MYO10: variants seen among roughly 807,000 people sequenced by gnomAD.
MYO10 encodes the protein unconventional myosin-X.
MYO10 carries 133 observed loss-of-function variants against 257.3 expected under a neutral mutation model. The ratio of observed to expected loss-of-function variants is 0.52; its 90% CI spans 0.45 to 0.60. MYO10 has a LOEUF of 0.60. MYO10 is among the 20% of genes least tolerant of loss of function. MYO10 has a pLI of 0.00. For missense variants in MYO10, 2,399 were observed against 2,635.7 expected (o/e 0.91, Z 1.97); for synonymous variants, 1,104 against 1,028.6 (o/e 1.07, Z -1.40).
rs1579812698 is a variant in MYO10 at position 16,681,435 on chromosome 5, C to T, written c.4258G>A (p.Val1420Ile). The stretch of plus-strand genomic sequence containing the variant: ...TAATCCAGGGAATTGTGGGTGAGTA[C>T]AAACCACCGTTTCTTCAGTTTCAGT... ...SSLKLKKRWFVLTHNSLDYYK... is the reference protein window; with the variant it reads ...SSLKLKKRWFILTHNSLDYYK... The change falls in exon 32 of 41, where the codon GTA (valine) becomes ATA (isoleucine). Residue 1420 changes from valine to isoleucine, a missense_variant. By Grantham distance (29) the Val-to-Ile change is conservative (BLOSUM62 3). This residue lies in a region of MYO10 where 1,820 missense variants were observed against 1,939.4 expected (regional missense o/e 0.94). Coordinates refer to ENST00000513610, the MANE Select transcript of MYO10 (RefSeq NM_012334.3). The T allele has an allele frequency of 2.5e-6, 4 of 1,613,952 alleles. No individual in the cohort carries two copies. Among genetic ancestry groups the T allele is most frequent in the Non-Finnish European group, 3.4e-6 (4 of 1,179,874 alleles).
intron 29 of MYO10, 82 bp downstream of exon 29, chr5:16,685,656 C>A (rs1737217838): frequency 1.9e-6 from 2 of 1,075,402 alleles, no homozygotes; most frequent in Non-Finnish European, 2.7e-6. Context: ...AATTCCCAAT[C>A]TTTCCCTTTT....
chr5:16,710,382 G>A (rs529979840), intron 21 of MYO10, among the ~76,000 whole-genome samples: 52 of 152,268 alleles, frequency 3.4e-4, no homozygotes, highest in African/African-American at 1.2e-3. Flanking sequence ...TGGAAAAGGG[G>A]GTTAAGGAGC....
At position 16,738,807 on chromosome 5, in the gene MYO10, C is replaced by A. The variant is rs570352196; in HGVS notation, c.1929+16021G>T. ...TCAGGAGGCTGAGGCAGGAGAATTG[C>A]ATGAACCTAGGAGGCAGAGATTGCA... is the stretch of plus-strand genomic sequence containing the variant. On this transcript the variant is annotated intron_variant, in intron 19 of 40. Transcript: ENST00000513610. Among the ~76,000 whole-genome samples the A allele has an allele frequency of 1.7e-3, 248 of 148,658 alleles. 2 individuals are homozygous for A. Among genetic ancestry groups the A allele is most frequent in the African/African-American group, 5.8e-3 (232 of 40,300 alleles).
At chr5:16,739,994 A>G (rs567944334) in intron 19 of MYO10, among the ~76,000 whole-genome samples, 1 of 152,078 alleles carries the variant, frequency 6.6e-6, no homozygotes, top group African/African-American at 2.4e-5. Context: ...CTTGCCGGAG[A>G]AAAAAACAAG....
intron 4 of MYO10, among the ~76,000 whole-genome samples, chr5:16,789,324 C>T (rs1323390619): frequency 6.6e-6 from 1 of 152,224 alleles, no homozygotes; most frequent in Non-Finnish European, 1.5e-5. Flanking sequence ...TATAACACTA[C>T]TTAGAAATCA....
chr5:16,706,162 AAC>A (rs1271419231), intron 21 of MYO10, among the ~76,000 whole-genome samples: 10 of 152,150 alleles, frequency 6.6e-5, no homozygotes. Context: ...CAGCCTGGGC[AAC>A]AGAGTGAGAT....
At chr5:16,792,130 CACAGAGAGAGAG>C (rs879501293) in intron 4 of MYO10, among the ~76,000 whole-genome samples, 58 of 80,668 alleles carry the variant, frequency 7.2e-4, no homozygotes, top group South Asian at 1.2e-3. Flanking sequence ...CACACACACA[CACAGAGAGAGAG>C]AGAGAGAGAG....
At chr5:16,677,416 CTTTT>C (rs796474728) in intron 33 of MYO10, among the ~76,000 whole-genome samples, 1 of 119,374 alleles carries the variant, frequency 8.4e-6, no homozygotes. Context: ...GTAACTTGAC[CTTTT>C]TTTTTTTTTT....
chr5:16,693,260 C>T (rs1737585793), intron 27 of MYO10, among the ~76,000 whole-genome samples: 2 of 152,150 alleles, frequency 1.3e-5, no homozygotes, highest in African/African-American at 4.8e-5. Context: ...GGGAGTGAGA[C>T]CCTGTCAGTC....
At chr5:16,835,769 C>CA (rs769989718) in intron 2 of MYO10, among the ~76,000 whole-genome samples, 1 of 145,700 alleles carries the variant, frequency 6.9e-6, no homozygotes. Context: ...AGAAAGACCC[C>CA]AAAAAAAAGT....
At chr5:16,713,306 T>C (rs1425875835) in intron 19 of MYO10, 2 of 985,714 alleles carry the variant, frequency 2.0e-6, no homozygotes, top group Non-Finnish European at 2.4e-6. Flanking sequence ...GGCCTCCCCA[T>C]CCAAAAAGTT....
At chr5:16,705,809 T>A (rs113756348) in intron 21 of MYO10, among the ~76,000 whole-genome samples, 1,811 of 152,270 alleles carry the variant, frequency 0.012, 37 homozygotes, top group African/African-American at 0.041. Flanking sequence ...TAAAACTCCA[T>A]CACAAATCAT....
intron 1 of MYO10, among the ~76,000 whole-genome samples, chr5:16,886,535 T>C (rs188467378): frequency 1.3e-5 from 2 of 152,340 alleles, no homozygotes; most frequent in East Asian, 3.9e-4. Flanking sequence ...TGAAATGCTC[T>C]ACATTTTTTG....
At chr5:16,891,315 AGAG>A (rs1561042339) in intron 1 of MYO10, among the ~76,000 whole-genome samples, 44 of 137,944 alleles carry the variant, frequency 3.2e-4, no homozygotes, top group Admixed American at 1.3e-3. Flanking sequence ...GAAAAGGAGA[AGAG>A]AAAAGGAAGG....
intron 1 of MYO10, among the ~76,000 whole-genome samples, chr5:16,911,769 G>C: frequency 6.6e-6 from 1 of 151,994 alleles, no homozygotes; most frequent in South Asian, 2.1e-4. Context: ...CAGCCGCGGT[G>C]GCTCATGCCT....
chr5:16,734,889 G>A (rs1271374977), intron 19 of MYO10, among the ~76,000 whole-genome samples: 2 of 151,994 alleles, frequency 1.3e-5, no homozygotes, highest in Admixed American at 6.6e-5. Flanking sequence ...GGCCATCAGT[G>A]GTGTCTCCGT....
At chr5:16,878,595 G>C (rs541864712) in intron 1 of MYO10, among the ~76,000 whole-genome samples, 1 of 152,270 alleles carries the variant, frequency 6.6e-6, no homozygotes, top group African/African-American at 2.4e-5. Flanking sequence ...ATAAAGTTTG[G>C]AGGAATTACT....
chr5:16,928,273 T>C (rs1746191014), intron 1 of MYO10, among the ~76,000 whole-genome samples: 1 of 152,104 alleles, frequency 6.6e-6, no homozygotes, highest in South Asian at 2.1e-4. Flanking sequence ...TGGCTCACCG[T>C]AATCTTCACC....
chr5:16,688,601 G>T (rs1028499962), intron 28 of MYO10, among the ~76,000 whole-genome samples: 2 of 152,052 alleles, frequency 1.3e-5, no homozygotes, highest in African/African-American at 4.8e-5. Context: ...TTTGCCAGGC[G>T]TGGTGGTGCA....
Sources: allele counts gnomAD v4.1 joint callset (sites outside exome capture counted in the v4.1 genomes callset), GRCh38; gene constraint gnomAD v4.1.1; regional missense constraint gnomAD v4.1.1; transcripts MANE v1.5; gene names NCBI Gene and HGNC (gene_info 2026-07-23, HGNC 2026-07-21).